The following APOB variants were observed in gnomAD, a reference collection of about 807,000 sequenced individuals.
The protein encoded by APOB is apolipoprotein B.
A neutral mutation model predicts 314.1 loss-of-function variants in APOB; 153 were observed. The observed-to-expected ratio is 0.49, with a 90% CI of 0.43 to 0.56. APOB has a LOEUF of 0.56. APOB is among the 20% of genes least tolerant of loss of function. The pLI, the probability that APOB is intolerant of heterozygous loss-of-function variation, is 0.00. For synonymous variants in APOB, 2,087 were observed against 2,036.4 expected, an observed-to-expected ratio of 1.02 and a Z score of -0.67; for missense variants, 5,430 against 5,350.7, an observed-to-expected ratio of 1.01 and a Z score of -0.46.
chr2:21,013,980 T>C (rs1282066061), intron 24 of APOB, among the ~76,000 whole-genome samples: 1 of 152,232 alleles, frequency 6.6e-6, no homozygotes, highest in Non-Finnish European at 1.5e-5. Flanking sequence ...TGATACAAAT[T>C]TGCTAAACTG....
intron 20 of APOB, among the ~76,000 whole-genome samples, chr2:21,017,641 A>G (rs560019203): frequency 6.6e-6 from 1 of 152,224 alleles, no homozygotes; most frequent in African/African-American, 2.4e-5. Flanking sequence ...CGACATCTCT[A>G]TATTACTTTC....
At position 21,005,748 on chromosome 2, in the gene APOB, G is replaced by A. The variant is rs756381590; in HGVS notation, c.11120C>T (p.Ala3707Val). Reference protein sequence around the residue: ...GRRQHLRVSTAFVYTKNPNGY... With the variant: ...GRRQHLRVSTVFVYTKNPNGY... ...ATTGGGGTTTTTGGTGTACACAAAGGCAGTTGAAACACGAAGATGCTGTCT... is the reference window on the plus strand; with the variant it reads ...ATTGGGGTTTTTGGTGTACACAAAGACAGTTGAAACACGAAGATGCTGTCT... Residue 3707 changes from alanine to valine, a missense_variant, in exon 26 of 29, where the codon GCC (alanine) becomes GTC (valine). Ala to Val is a moderately conservative substitution (Grantham distance 64). Around this residue, in one of 3 missense-constraint regions of APOB, gnomAD observed 3,281 missense variants for 3,171.0 expected, o/e 1.03. Transcript: ENST00000233242. 1.3e-5 allele frequency: 21 copies of A among 1,613,956 alleles called. No individual in the cohort carries two copies. In the East Asian group the frequency reaches 4.2e-4, roughly 33 times the overall value.
Position 21,010,122 on chromosome 2 carries a change from A to G in APOB, c.6746T>C (p.Ile2249Thr), listed in dbSNP as rs780141544. ...TTGGTACTTAGTATCCACATTTTGA[A>G]TCCAGGATGCAGTACTACTTCCACT... Reference protein sequence around the residue: ...NKSGSSTASWIQNVDTKYQIR... With the variant: ...NKSGSSTASWTQNVDTKYQIR... The change falls in exon 26 of 29, where the codon ATT becomes ACT. Residue 2249 changes from isoleucine (I) to threonine (T), a missense_variant. Ile to Thr is a moderately conservative substitution (Grantham distance 89, BLOSUM62 -1). Transcript: ENST00000233242. The G allele has an allele frequency of 5.0e-6, 8 of 1,612,272 alleles. No homozygotes were observed. The East Asian group carries it at 1.8e-4, about 36-fold the overall frequency.
chr2:21,033,237 G>A (rs2103380321), intron 9 of APOB, 62 bp downstream of exon 9: 2 of 1,372,118 alleles, frequency 1.5e-6, no homozygotes, highest in East Asian at 2.3e-5. Flanking sequence ...TTTGGCCAAG[G>A]TTTGAAAGTT....
At chr2:21,026,740 C>A in intron 15 of APOB, 48 bp downstream of exon 15, 1 of 1,446,060 alleles carries the variant, frequency 6.9e-7, no homozygotes, top group Non-Finnish European at 9.7e-7. Flanking sequence ...ATTGTTTTTG[C>A]ATTGAGACCC....
In APOB at chr2:21,043,868, C is replaced by T. The variant is rs1664199258; in HGVS notation, c.78G>A (p.Arg26=). The change falls in exon 1 of 29, where the codon AGG becomes AGA. Residue 26 remains arginine (R), a synonymous_variant. Coordinates refer to ENST00000233242, the MANE Select transcript of APOB (RefSeq NM_000384.3). ...ALLLLLLAGA[R]AEEEMLENVS... ...GCAGAGCGGCCGCGCACTCACCGGC[C>T]CTGGCGCCCGCCAGCAGCAGCAGCA... 5 of 1,498,900 alleles carry T rather than the reference C, an allele frequency of 3.3e-6. No individual in the cohort carries two copies. Among genetic ancestry groups the T allele is most frequent in the South Asian group, 2.5e-5 (2 of 80,526 alleles). 92.9% of individuals were successfully genotyped at this position (1,498,900 alleles called of 1,614,324 possible).
chr2:21,036,987 A>G, intron 6 of APOB, 113 bp downstream of exon 6: 1 of 1,387,694 alleles, frequency 7.2e-7, no homozygotes, highest in Middle Eastern at 2.4e-4. Flanking sequence ...GTCTGTATAA[A>G]AAACAGCCAG....
chr2:21,035,746 C>G, intron 6 of APOB, 38 bp from the exon 7 acceptor site: 1 of 1,610,950 alleles, frequency 6.2e-7, no homozygotes, highest in Non-Finnish European at 8.5e-7. Flanking sequence ...TTGATCAGTC[C>G]CTGTATCTTC....
chr2:21,016,667 A>G lies in APOB; in HGVS notation c.3122-18T>C, dbSNP rs1440758888. On this transcript the variant is annotated intron_variant, in intron 20 of 28. Transcript: ENST00000233242. The stretch of plus-strand genomic sequence containing the variant: ...CTTCGCACCTGGACGAGTGTATAAG[A>G]GAATCAAGAGATGTGTGGTAAGAAG... 8 of 1,496,984 alleles carry G rather than the reference A, an allele frequency of 5.3e-6. No homozygotes were observed. The highest frequency in any genetic ancestry group is 7.5e-6 in the Non-Finnish European group (8 of 1,073,114). The allele number at this position is 1,496,984 out of a possible 1,614,324, so 92.7% of individuals were successfully genotyped here.
chr2:21,035,540 C>G, intron 7 of APOB, 44 bp downstream of exon 7: 1 of 1,611,918 alleles, frequency 6.2e-7, no homozygotes, highest in Non-Finnish European at 8.5e-7. Flanking sequence ...TCAGTTCACA[C>G]TGACCCATTA....
chr2:21,039,359 C>T (rs1664079924), intron 4 of APOB, among the ~76,000 whole-genome samples: 1 of 152,204 alleles, frequency 6.6e-6, no homozygotes, highest in East Asian at 1.9e-4. Flanking sequence ...TATTTTCATA[C>T]ACTTGTTGGA....
Position 21,012,577 on chromosome 2 carries a change from G to T in APOB, c.4291C>A (p.Leu1431Ile), listed in dbSNP as rs1219604625. 1 of 1,613,858 alleles carries T rather than the reference G, an allele frequency of 6.2e-7. No individual in the cohort carries two copies. The highest frequency in any genetic ancestry group is 1.3e-5 in the African/African-American group (1 of 74,932). Residue 1431 changes from leucine (L) to isoleucine (I), a missense_variant, in exon 26 of 29, where the codon CTA becomes ATA. By Grantham distance (5) the Leu-to-Ile change is conservative. Coordinates refer to ENST00000233242, the MANE Select transcript of APOB (RefSeq NM_000384.3). ...TGACTGAATTTGATATTCGAATCTA[G>T]AAATTTGTGGCGTAGAGACCCATCA... ...SCDGSLRHKF[L>I]DSNIKFSHVE...
intron 20 of APOB, among the ~76,000 whole-genome samples, chr2:21,018,066 C>T (rs147100637): frequency 5.1e-4 from 77 of 152,166 alleles, no homozygotes; most frequent in Admixed American, 3.4e-3. Flanking sequence ...TTCAGTTGCC[C>T]GGGCCAAAAA....
chr2:21,034,150 T>C (rs1401535592), intron 8 of APOB, among the ~76,000 whole-genome samples: 1 of 152,184 alleles, frequency 6.6e-6, no homozygotes, highest in Non-Finnish European at 1.5e-5. Flanking sequence ...GTAAAAGTCA[T>C]CATGGAAATG....
rs12720855 is a variant in APOB at position 21,006,988 on chromosome 2, A to G, written c.9880T>C (p.Ser3294Pro). Reference sequence around the variant, plus strand: ...AATGATGGCAGGATTAATGTGTATGAAGGCACACGGACGTCAGAACCTAGG... The same window carrying G: ...AATGATGGCAGGATTAATGTGTATGGAGGCACACGGACGTCAGAACCTAGG... ...SILGSDVRVP[S>P]YTLILPSLEL... Residue 3294 changes from serine to proline, a missense_variant, in exon 26 of 29, where the codon TCA becomes CCA. Around this residue, in one of 3 missense-constraint regions of APOB, gnomAD observed 3,281 missense variants for 3,171.0 expected, o/e 1.03. Transcript: ENST00000233242. The G allele has an allele frequency of 2.8e-3, 4,494 of 1,614,042 alleles. 111 individuals carry two copies. The African/African-American group carries it at 0.053, about 19-fold the overall frequency.
intron 20 of APOB, 121 bp from the exon 21 acceptor site, chr2:21,016,770 G>A (rs1446033174): frequency 4.2e-6 from 3 of 721,922 alleles, no homozygotes; most frequent in East Asian, 5.2e-5. Context: ...AGATCATGAG[G>A]TCAGGAGATC....
Position 21,005,363 on chromosome 2 carries a change from A to G in APOB, c.11505T>C (p.Ile3835=). Residue 3835 remains isoleucine, a synonymous_variant, in exon 26 of 29, where the codon ATT becomes ATC. Transcript: ENST00000233242. The stretch of plus-strand genomic sequence containing the variant: ...CTACTGCATTTAGATCCAAAGCAGC[A>G]ATGCCATCTGAAACACTTTTTGGAA... ...FTLPKSVSDG[I]AALDLNAVAN... The G allele has an allele frequency of 6.2e-7, 1 of 1,614,136 alleles. No homozygotes were observed. The highest frequency in any genetic ancestry group is 8.5e-7 in the Non-Finnish European group (1 of 1,179,974).
chr2:21,035,924 T>G (rs1663991875), intron 6 of APOB, among the ~76,000 whole-genome samples: 1 of 152,212 alleles, frequency 6.6e-6, no homozygotes, highest in African/African-American at 2.4e-5. Flanking sequence ...CCACCCTCAC[T>G]GGACAATGTC....
At chr2:21,027,078 C>G in intron 14 of APOB, 114 bp from the exon 15 acceptor site, 1 of 940,404 alleles carries the variant, frequency 1.1e-6, no homozygotes, top group Non-Finnish European at 1.7e-6. Context: ...ATACCACAGG[C>G]CAGGAGCTGA....
Sources: allele counts gnomAD v4.1 joint callset (sites outside exome capture counted in the v4.1 genomes callset), GRCh38; gene constraint gnomAD v4.1.1; regional missense constraint gnomAD v4.1.1; transcripts MANE v1.5; gene names NCBI Gene and HGNC (gene_info 2026-07-23, HGNC 2026-07-21).